FTO: variants seen among roughly 807,000 people sequenced by gnomAD.
The protein encoded by FTO is FTO alpha-ketoglutarate dependent dioxygenase, also known as alpha-ketoglutarate-dependent dioxygenase FTO.
A neutral mutation model predicts 63.9 loss-of-function variants in FTO; 47 were observed. That is an observed-to-expected ratio of 0.74 (90% confidence interval 0.58 to 0.94). FTO has a LOEUF of 0.94. FTO is among the 40% of genes least tolerant of loss of function. The pLI, the probability that FTO is intolerant of heterozygous loss-of-function variation, is 0.00. For synonymous variants in FTO, 207 were observed against 224.4 expected (o/e 0.92, Z 0.69); for missense variants, 562 against 618.1 (o/e 0.91, Z 0.96).
intron 1 of FTO, among the ~76,000 whole-genome samples, chr16:53,786,283 G>A (rs1476016693): frequency 6.6e-6 from 1 of 152,132 alleles, no homozygotes; most frequent in Non-Finnish European, 1.5e-5. Context: ...AACTCTTTTT[G>A]AGCTGTGAGG....
intron 4 of FTO, among the ~76,000 whole-genome samples, chr16:53,867,950 CTG>C (rs2080377885): frequency 6.8e-6 from 1 of 147,286 alleles, no homozygotes; most frequent in Non-Finnish European, 1.5e-5. Context: ...CCCTTTTTCT[CTG>C]TGATAATTTA....
chr16:53,761,055 C>T (rs1275250930), intron 1 of FTO, among the ~76,000 whole-genome samples: 2 of 151,190 alleles, frequency 1.3e-5, no homozygotes, highest in Non-Finnish European at 3.0e-5. Flanking sequence ...CTCCCTCCCT[C>T]CCTTCCTTTC....
intron 1 of FTO, among the ~76,000 whole-genome samples, chr16:53,787,430 A>C (rs2077779066): frequency 6.6e-6 from 1 of 151,798 alleles, no homozygotes; most frequent in African/African-American, 2.4e-5. Flanking sequence ...ACTTGCTACC[A>C]CTCATTTTAC....
intron 8 of FTO, among the ~76,000 whole-genome samples, chr16:54,016,317 T>TC (rs1437702402): frequency 1.4e-5 from 2 of 145,922 alleles, no homozygotes; most frequent in Non-Finnish European, 3.0e-5. Flanking sequence ...AAAAAAAAAC[T>TC]GGAAGACTTG....
chr16:54,006,171 C>T (rs541534965), intron 8 of FTO, among the ~76,000 whole-genome samples: 2 of 152,246 alleles, frequency 1.3e-5, no homozygotes, highest in South Asian at 2.1e-4. Context: ...AGTAATTTCC[C>T]TTTCTAGCTT....
At chr16:53,991,146 C>T (rs1264788041) in intron 8 of FTO, 3 of 152,188 alleles carry the variant, frequency 2.0e-5, no homozygotes, top group African/African-American at 7.2e-5. Context: ...AGGAAGACCA[C>T]CCAAAACATA....
intron 1 of FTO, among the ~76,000 whole-genome samples, chr16:53,804,660 C>T (rs1384134801): frequency 1.6e-5 from 2 of 125,010 alleles, no homozygotes; most frequent in South Asian, 2.7e-4. Context: ...TGAGAAAGAA[C>T]CATGCTGTGT....
chr16:53,904,201 G>A (rs528454306), intron 7 of FTO, among the ~76,000 whole-genome samples: 1 of 152,028 alleles, frequency 6.6e-6, no homozygotes, highest in Non-Finnish European at 1.5e-5. Context: ...AGAATGATTG[G>A]TGAAAAATGG....
intron 1 of FTO, chr16:53,711,542 A>T (rs1182176247): frequency 7.5e-6 from 3 of 398,026 alleles, no homozygotes; most frequent in African/African-American, 2.1e-5. Flanking sequence ...GTAGTCATGG[A>T]ATTCCTTCCT....
At chr16:53,706,404 T>C (rs550002709) in intron 1 of FTO, among the ~76,000 whole-genome samples, 5 of 152,272 alleles carry the variant, frequency 3.3e-5, no homozygotes, top group African/African-American at 9.6e-5. Flanking sequence ...CTCTCCTAAG[T>C]TCCCTCTCGT....
chr16:53,868,287 G>C (rs1249369736), intron 4 of FTO, among the ~76,000 whole-genome samples: 2 of 151,544 alleles, frequency 1.3e-5, no homozygotes. Flanking sequence ...CTCTTTTTCT[G>C]CTTTTATAGT....
At chr16:54,037,622 A>G (rs1197355478) in intron 8 of FTO, among the ~76,000 whole-genome samples, 1 of 152,042 alleles carries the variant, frequency 6.6e-6, no homozygotes, top group Non-Finnish European at 1.5e-5. Flanking sequence ...ATTTTTTCCT[A>G]TTGCCTAGAC....
chr16:53,741,441 C>T (rs2076526038), intron 1 of FTO, among the ~76,000 whole-genome samples: 1 of 152,168 alleles, frequency 6.6e-6, no homozygotes, highest in African/African-American at 2.4e-5. Context: ...CTGTGAACCA[C>T]TCTGTTGCTC....
intron 1 of FTO, among the ~76,000 whole-genome samples, chr16:53,799,861 A>G (rs2078173549): frequency 6.6e-6 from 1 of 152,186 alleles, no homozygotes; most frequent in Non-Finnish European, 1.5e-5. Flanking sequence ...TAAAGTTTAT[A>G]ACATCCCCTT....
intron 7 of FTO, among the ~76,000 whole-genome samples, chr16:53,917,842 G>A (rs1306469941): frequency 1.3e-5 from 2 of 151,956 alleles, no homozygotes; most frequent in Non-Finnish European, 2.9e-5. Context: ...CGTTTAGGCA[G>A]GGACTGCATT....
chr16:53,718,734 T>C (rs1247190532), intron 1 of FTO, among the ~76,000 whole-genome samples: 1 of 152,212 alleles, frequency 6.6e-6, no homozygotes, highest in African/African-American at 2.4e-5. Flanking sequence ...TGGTAGTATC[T>C]TTACTTCTAC....
chr16:53,749,507 C>T (rs1470489736), intron 1 of FTO, among the ~76,000 whole-genome samples: 4 of 151,240 alleles, frequency 2.6e-5, no homozygotes, highest in Non-Finnish European at 5.9e-5. Flanking sequence ...GGCGCAATCT[C>T]GGGTCACTGC....
intron 1 of FTO, among the ~76,000 whole-genome samples, chr16:53,724,069 A>G (rs921805201): frequency 3.3e-5 from 5 of 152,230 alleles, no homozygotes; most frequent in Non-Finnish European, 7.3e-5. Context: ...TGAACAGGGA[A>G]AGTAGAACCC....
chr16:53,858,661 T>C (rs533549030), intron 4 of FTO, among the ~76,000 whole-genome samples: 4 of 151,622 alleles, frequency 2.6e-5, no homozygotes, highest in Admixed American at 2.6e-4. Flanking sequence ...CTTTCTTTTC[T>C]TTTTTTTTCC....
Sources: allele counts gnomAD v4.1 joint callset (sites outside exome capture counted in the v4.1 genomes callset), GRCh38; gene constraint gnomAD v4.1.1; transcripts MANE v1.5; gene names NCBI Gene and HGNC (gene_info 2026-07-23, HGNC 2026-07-21).